HMGXB3: variants seen among roughly 807,000 people sequenced by gnomAD.
The protein encoded by HMGXB3 is HMG domain-containing protein 3.
A neutral mutation model predicts 121.5 loss-of-function variants in HMGXB3; 45 were observed. That is an observed-to-expected ratio of 0.37 (90% CI 0.29 to 0.47). The LOEUF (loss-of-function observed/expected upper bound fraction) is 0.47. Among genes scored for constraint, HMGXB3 ranks in the 20% least tolerant of loss-of-function variants. The probability of loss-of-function intolerance (pLI) is 0.99; values close to 1 mark genes in which losing one functional copy is unlikely to be tolerated. For synonymous variants in HMGXB3, 590 were observed against 624.1 expected (o/e 0.95, Z 0.81); for missense variants, 1,376 against 1,602.2 (o/e 0.86, Z 2.41).
Position 150,025,900 on chromosome 5 carries a change from G to A in HMGXB3, c.1461-806G>A, listed in dbSNP as rs576749322. On this transcript the variant is annotated intron_variant, in intron 7 of 19. Transcript: ENST00000502717. ...GCCCAGGCTGGAGTGGCGCCATCTC[G>A]TCTCACTGCAAGCTCCGCCTCCCGG... Among the ~76,000 whole-genome samples the A allele has an allele frequency of 3.6e-4, 55 of 150,848 alleles. 1 individual carries two copies. Among genetic ancestry groups the A allele is most frequent in the African/African-American group, 1.3e-3 (53 of 41,028 alleles).
At chr5:150,046,540 C>T (rs1020151732) in intron 16 of HMGXB3, among the ~76,000 whole-genome samples, 2 of 152,206 alleles carry the variant, frequency 1.3e-5, no homozygotes, top group Admixed American at 6.5e-5. Context: ...AGGCTGGGCA[C>T]GGTGGCTCAC....
intron 9 of HMGXB3, among the ~76,000 whole-genome samples, chr5:150,029,328 A>G (rs1236333330): frequency 7.3e-6 from 1 of 136,124 alleles, no homozygotes; most frequent in African/African-American, 3.3e-5. Context: ...AATAGTTATC[A>G]AGTTTTTTTT....
intron 13 of HMGXB3, among the ~76,000 whole-genome samples, chr5:150,039,158 AGT>A (rs974646849): frequency 2.6e-5 from 4 of 152,200 alleles, no homozygotes; most frequent in African/African-American, 4.8e-5. Context: ...TAAACTGTAG[AGT>A]CAGCTTGTCA....
At chr5:150,030,194 C>T (rs1279414629) in intron 9 of HMGXB3, 1 of 151,828 alleles carries the variant, frequency 6.6e-6, no homozygotes, top group African/African-American at 2.4e-5. Flanking sequence ...ACATTTGAGG[C>T]CAGGCATGGT....
At chr5:150,032,411 A>G in intron 10 of HMGXB3, 43 bp from the exon 11 acceptor site, 1 of 1,535,482 alleles carries the variant, frequency 6.5e-7, no homozygotes, top group Non-Finnish European at 8.8e-7. Flanking sequence ...GCCCAGGTTT[A>G]ACTTAATTTT....
rs1322984450 is a variant in HMGXB3 at position 150,030,802 on chromosome 5, T to G, written c.1796T>G (p.Met599Arg). ...QVKVVEVKPDMFPPYKYSCTV... is the reference protein window; with the variant it reads ...QVKVVEVKPDRFPPYKYSCTV... ...AAAGTTGTGGAGGTCAAGCCCGATA[T>G]GTTTCCTCCATATAAGTACAGCTGC... The change falls in exon 10 of 20, where the codon ATG becomes AGG. Residue 599 changes from methionine (M) to arginine (R), a missense_variant. This residue lies in a region of HMGXB3 where 1,116 missense variants were observed against 1,369.0 expected (regional missense o/e 0.82). Coordinates refer to ENST00000502717, the MANE Select transcript of HMGXB3 (RefSeq NM_014983.3). 6.4e-7 allele frequency: 1 copy of G among 1,552,138 alleles called. No individual in the cohort carries two copies. Among genetic ancestry groups the G allele is most frequent in the South Asian group, 1.2e-5 (1 of 84,054 alleles).
At chr5:150,012,178 G>T in intron 4 of HMGXB3, 77 bp from the exon 5 acceptor site, 1 of 944,848 alleles carries the variant, frequency 1.1e-6, no homozygotes. Flanking sequence ...CTTAATCCAG[G>T]CTTCCAGTGT....
chr5:150,026,852 C>G lies in HMGXB3; in HGVS notation c.1607C>G (p.Pro536Arg), dbSNP rs1316242749. Residue 536 changes from proline (P) to arginine (R), a missense_variant, in exon 8 of 20, where the codon CCC (proline) becomes CGC (arginine). Coordinates refer to ENST00000502717, the MANE Select transcript of HMGXB3 (RefSeq NM_014983.3). ...NVGRGSSMGLPRARQAFSLSD... is the reference protein window; with the variant it reads ...NVGRGSSMGLRRARQAFSLSD... Reference sequence around the variant, plus strand: ...GGGCGAGGCAGCAGCATGGGACTGCCCAGGGCCAGGCAGGCCTTTTCCCTG... The same window carrying G: ...GGGCGAGGCAGCAGCATGGGACTGCGCAGGGCCAGGCAGGCCTTTTCCCTG... 6.6e-7 allele frequency: 1 copy of G among 1,524,034 alleles called. No homozygotes were observed. Among genetic ancestry groups the G allele is most frequent in the Non-Finnish European group, 8.8e-7 (1 of 1,133,856 alleles). 94.4% of individuals were successfully genotyped at this position (1,524,034 alleles called of 1,614,324 possible).
In HMGXB3 at chr5:150,024,319, G is replaced by A; in HGVS notation, c.1099G>A (p.Val367Met). ...LASGVSSKGSVVKRNQQPVTT... is the reference protein window; with the variant it reads ...LASGVSSKGSMVKRNQQPVTT... ...TTCTGGCGTCTCTTCCAAAGGCTCT[G>A]TGGTGAAAAGAAATCAGCAACCTGT... Residue 367 changes from valine (V) to methionine (M), a missense_variant, in exon 7 of 20, where the codon GTG becomes ATG. Around this residue, in one of 2 missense-constraint regions of HMGXB3, gnomAD observed 1,116 missense variants for 1,369.0 expected, o/e 0.82. Coordinates refer to ENST00000502717, the MANE Select transcript of HMGXB3 (RefSeq NM_014983.3). 6.4e-7 allele frequency: 1 copy of A among 1,551,706 alleles called. No homozygotes were observed. Among genetic ancestry groups the A allele is most frequent in the South Asian group, 1.2e-5 (1 of 84,048 alleles).
chr5:150,050,210 G>T (rs1486056543), intron 18 of HMGXB3, 42 bp from the exon 19 acceptor site: 1 of 1,484,412 alleles, frequency 6.7e-7, no homozygotes, highest in South Asian at 1.2e-5. Flanking sequence ...CTGCAGACTG[G>T]CTTCCTAATT....
At chr5:150,035,634 G>A (rs1756484218) in intron 11 of HMGXB3, among the ~76,000 whole-genome samples, 1 of 152,130 alleles carries the variant, frequency 6.6e-6, no homozygotes, top group African/African-American at 2.4e-5. Context: ...ACTGAAGCGG[G>A]GAGGGTGGTG....
At chr5:150,041,725 T>C in intron 14 of HMGXB3, 60 bp from the exon 15 acceptor site, 1 of 1,306,058 alleles carries the variant, frequency 7.7e-7, no homozygotes, top group South Asian at 1.3e-5. Flanking sequence ...CACTGGCTCA[T>C]CCCTAGTGGC....
chr5:150,025,765 G>A (rs1015276888), intron 7 of HMGXB3, among the ~76,000 whole-genome samples: 64 of 151,850 alleles, frequency 4.2e-4, no homozygotes, highest in South Asian at 8.3e-4. Flanking sequence ...TAGAGATGGG[G>A]TTTTGCCATG....
intron 12 of HMGXB3, 68 bp from the exon 13 acceptor site, chr5:150,037,332 A>C (rs1048432424): frequency 1.5e-5 from 21 of 1,394,462 alleles, no homozygotes; most frequent in Non-Finnish European, 2.0e-5. Flanking sequence ...TTGATCACTG[A>C]GCCCTGGAAC....
At chr5:150,007,177 A>G (rs1426307065) in intron 3 of HMGXB3, among the ~76,000 whole-genome samples, 2 of 152,240 alleles carry the variant, frequency 1.3e-5, no homozygotes, top group Non-Finnish European at 2.9e-5. Flanking sequence ...AAGTAAAGCC[A>G]AAGATGGTGG....
Position 150,051,748 on chromosome 5 carries a change from G to A in HMGXB3, c.3435G>A (p.Leu1145=). The change falls in exon 20 of 20, where the codon TTG becomes TTA. Residue 1145 remains leucine (L), a synonymous_variant. Transcript: ENST00000502717. ...AGAGTGTGTCCTGCCCAGAGCTCTT[G>A]GACCAGCATTATACTGTGGACATGA... is the stretch of plus-strand genomic sequence containing the variant. ...PPVSVSCPEL[L]DQHYTVDMTE... 1 of 1,531,948 alleles carries A rather than the reference G, an allele frequency of 6.5e-7. No homozygotes were observed. The highest frequency in any genetic ancestry group is 8.8e-7 in the Non-Finnish European group (1 of 1,140,160). 94.9% of individuals were successfully genotyped at this position (1,531,948 alleles called of 1,614,324 possible).
In HMGXB3 at chr5:150,040,730, C is replaced by T; in HGVS notation, c.2414-18C>T. On this transcript the variant is annotated intron_variant, in intron 13 of 19. Transcript: ENST00000502717. ...GTATGATACATTAATTTCCTTGTTG[C>T]CTCTTCTTAACCTGCAGGTCTCTTT... 1 of 1,547,632 alleles carries T rather than the reference C, an allele frequency of 6.5e-7. No individual in the cohort carries two copies. The highest frequency in any genetic ancestry group is 8.7e-7 in the Non-Finnish European group (1 of 1,145,564).
chr5:150,009,970 G>A (rs567323402), intron 3 of HMGXB3, 141 bp from the exon 4 acceptor site: 2 of 876,934 alleles, frequency 2.3e-6, no homozygotes, highest in African/African-American at 1.7e-5. Context: ...ATCTGAATTA[G>A]GTCAAGAGAG....
intron 14 of HMGXB3, among the ~76,000 whole-genome samples, chr5:150,041,251 C>T (rs771590995): frequency 1.3e-5 from 2 of 152,210 alleles, no homozygotes; most frequent in African/African-American, 2.4e-5. Context: ...ACCATCCTTT[C>T]TGTCTAGAAT....
Sources: allele counts gnomAD v4.1 joint callset (sites outside exome capture counted in the v4.1 genomes callset), GRCh38; gene constraint gnomAD v4.1.1; regional missense constraint gnomAD v4.1.1; transcripts MANE v1.5; gene names NCBI Gene and HGNC (gene_info 2026-07-23, HGNC 2026-07-21).